ATF7IP: variants seen among roughly 807,000 people sequenced by gnomAD.
The protein encoded by ATF7IP is activating transcription factor 7-interacting protein 1.
A neutral mutation model predicts 106.4 loss-of-function variants in ATF7IP; 23 were observed. The ratio of observed to expected loss-of-function variants is 0.22; its 90% CI spans 0.16 to 0.31. The LOEUF is 0.31. Ranked by LOEUF, ATF7IP falls within the 10% of genes least tolerant of loss-of-function variation. ATF7IP has a pLI of 1.00. For missense variants in ATF7IP, 1,334 were observed against 1,524.3 expected (o/e 0.88, Z 2.08); for synonymous variants, 542 against 539.0 (o/e 1.01, Z -0.08).
intron 13 of ATF7IP, among the ~76,000 whole-genome samples, chr12:14,493,991 G>C (rs927350269): frequency 6.6e-6 from 1 of 151,828 alleles, no homozygotes; most frequent in Non-Finnish European, 1.5e-5. Flanking sequence ...TATGGTCCAA[G>C]GTATTATGTA....
chr12:14,439,840 AATCCATCCATCC>A (rs34509750), intron 5 of ATF7IP, among the ~76,000 whole-genome samples: 11,044 of 148,550 alleles, frequency 0.074, 529 homozygotes, highest in African/African-American at 0.14. Context: ...CTCCAAAATA[AATCCATCCATCC>A]ATCCATCCAT....
chr12:14,382,085 A>T (rs753973678), intron 1 of ATF7IP, among the ~76,000 whole-genome samples: 17 of 152,222 alleles, frequency 1.1e-4, no homozygotes, highest in Non-Finnish European at 2.1e-4. Flanking sequence ...CTGTGGTCCC[A>T]GTTACTCCAG....
At chr12:14,377,822 C>T (rs1938817505) in intron 1 of ATF7IP, among the ~76,000 whole-genome samples, 1 of 151,646 alleles carries the variant, frequency 6.6e-6, no homozygotes, top group African/African-American at 2.4e-5. Flanking sequence ...CCATGTTGGT[C>T]AGGCTGGTCT....
chr12:14,463,627 C>T (rs1048054924), intron 9 of ATF7IP, among the ~76,000 whole-genome samples: 2 of 152,046 alleles, frequency 1.3e-5, no homozygotes, highest in African/African-American at 4.8e-5. Flanking sequence ...GGGGGAAATA[C>T]GGTTAAAGGG....
At position 14,460,645 on chromosome 12, in the gene ATF7IP, G is replaced by A. The variant is rs764840903; in HGVS notation, c.2309G>A (p.Gly770Glu). The change falls in exon 9 of 15, where the codon GGA (glycine) becomes GAA (glutamate). Residue 770 changes from glycine to glutamate, a missense_variant. Physicochemically the swap from Gly to Glu is moderately conservative, Grantham distance 98. Around this residue, in one of 10 missense-constraint regions of ATF7IP, gnomAD observed 171 missense variants for 172.6 expected, o/e 0.99. Coordinates refer to ENST00000261168, the MANE Select transcript of ATF7IP (RefSeq NM_018179.5). ...TVVATTQVPS[G>E]NPQPTISLQP... ...GTTGCTACTACTCAGGTGCCTAGTG[G>A]AAATCCCCAGCCTACAATCTCTTTA... 16 of 1,613,982 alleles carry A rather than the reference G, an allele frequency of 9.9e-6. No individual in the cohort carries two copies. The South Asian group carries it at 1.6e-4, about 17-fold the overall frequency.
chr12:14,370,584 A>G (rs899279763), intron 1 of ATF7IP, among the ~76,000 whole-genome samples: 2 of 152,186 alleles, frequency 1.3e-5, no homozygotes, highest in African/African-American at 4.8e-5. Flanking sequence ...GGGTGAATTT[A>G]TAACCTTATA....
intron 11 of ATF7IP, 166 bp downstream of exon 11, chr12:14,476,134 T>C (rs1428576326): frequency 6.9e-6 from 4 of 578,758 alleles, no homozygotes; most frequent in Non-Finnish European, 1.2e-5. Context: ...TTTGGCCAGG[T>C]GCAGTGTCTC....
At chr12:14,478,206 G>A (rs568492499) in intron 11 of ATF7IP, 111 bp from the exon 12 acceptor site, 2 of 951,390 alleles carry the variant, frequency 2.1e-6, no homozygotes, top group Non-Finnish European at 3.2e-6. Flanking sequence ...TCTCTTAGAG[G>A]TAAATGTGAC....
intron 13 of ATF7IP, chr12:14,481,794 A>C (rs12310135): frequency 0.017 from 3,163 of 180,884 alleles, 62 homozygotes; most frequent in Middle Eastern, 0.069. Context: ...TTTACCCCAG[A>C]TGATGGAAAT....
In ATF7IP at chr12:14,456,654, C is replaced by G. The variant is rs1215558246; in HGVS notation, c.2069+20C>G. On this transcript the variant is annotated intron_variant, in intron 7 of 14. Coordinates refer to ENST00000261168, the MANE Select transcript of ATF7IP (RefSeq NM_018179.5). ...TTACAGGTGAGAATTCATAGTCTGT[C>G]TAGTTTTTAAAAACAGAACAAAGTT... 2 of 1,551,398 alleles carry G rather than the reference C, an allele frequency of 1.3e-6. No homozygotes were observed. Among genetic ancestry groups the G allele is most frequent in the Non-Finnish European group, 1.8e-6 (2 of 1,128,182 alleles).
At chr12:14,461,183 C>G in intron 9 of ATF7IP, 50 bp downstream of exon 9, 1 of 1,505,904 alleles carries the variant, frequency 6.6e-7, no homozygotes, top group Non-Finnish European at 8.9e-7. Context: ...TCTTAATAGC[C>G]TTGTAATGAT....
At chr12:14,383,497 A>C (rs1258922904) in intron 1 of ATF7IP, among the ~76,000 whole-genome samples, 1 of 152,140 alleles carries the variant, frequency 6.6e-6, no homozygotes, top group Non-Finnish European at 1.5e-5. Flanking sequence ...TTCCAGTGCT[A>C]CAGTAATATC....
intron 1 of ATF7IP, among the ~76,000 whole-genome samples, chr12:14,381,729 A>G (rs549644796): frequency 1.3e-5 from 2 of 152,292 alleles, no homozygotes; most frequent in African/African-American, 2.4e-5. Context: ...AATTAAATAA[A>G]TAAAACATAT....
chr12:14,448,235 A>G (rs1943060937), intron 6 of ATF7IP, among the ~76,000 whole-genome samples: 1 of 152,192 alleles, frequency 6.6e-6, no homozygotes, highest in Admixed American at 6.5e-5. Flanking sequence ...GCAATAGTAC[A>G]TAGAGCCCTA....
chr12:14,487,545 A>G (rs1944663501), intron 13 of ATF7IP, among the ~76,000 whole-genome samples: 1 of 152,214 alleles, frequency 6.6e-6, no homozygotes, highest in Non-Finnish European at 1.5e-5. Context: ...AGCATGGATC[A>G]GGGAGGGTAC....
At chr12:14,372,628 A>G (rs1400491848) in intron 1 of ATF7IP, among the ~76,000 whole-genome samples, 1 of 152,118 alleles carries the variant, frequency 6.6e-6, no homozygotes. Flanking sequence ...ATTGCTCAGA[A>G]TATTATAAGA....
intron 1 of ATF7IP, among the ~76,000 whole-genome samples, chr12:14,381,245 T>G (rs1181730561): frequency 6.6e-6 from 1 of 152,204 alleles, no homozygotes; most frequent in East Asian, 1.9e-4. Context: ...TTATTTATTT[T>G]TTTTGAGACA....
chr12:14,398,904 T>G (rs1304683923), intron 1 of ATF7IP, among the ~76,000 whole-genome samples: 3 of 152,118 alleles, frequency 2.0e-5, no homozygotes, highest in Non-Finnish European at 4.4e-5. Context: ...CTAAGGTATG[T>G]CTCGTTTATA....
chr12:14,429,564 T>A (rs1942023907), intron 2 of ATF7IP, among the ~76,000 whole-genome samples: 1 of 152,190 alleles, frequency 6.6e-6, no homozygotes, highest in Non-Finnish European at 1.5e-5. Flanking sequence ...GTTCATTGGA[T>A]CTTTAAGGTA....
Sources: gnomAD v4.1 joint callset for allele counts (sites outside exome capture counted in the v4.1 genomes callset) on GRCh38, gnomAD v4.1.1 for gene constraint, gnomAD v4.1.1 regional missense constraint, MANE v1.5 for transcripts, NCBI Gene and HGNC (gene_info 2026-07-23, HGNC 2026-07-21) for gene names.